The following CHRNB4 variants were observed in gnomAD, a reference collection of about 807,000 sequenced individuals.
The protein encoded by CHRNB4 is neuronal acetylcholine receptor subunit beta-4.
Under a neutral mutation model 40.4 loss-of-function variants are expected in CHRNB4, and 23 were observed. That is an observed-to-expected ratio of 0.57 (90% CI 0.41 to 0.81). CHRNB4 has a LOEUF of 0.81. Among genes scored for constraint, CHRNB4 ranks in the 30% least tolerant of loss-of-function variants. The pLI is 0.00. For missense variants in CHRNB4, 568 were observed against 670.6 expected (o/e 0.85, Z 1.69); for synonymous variants, 285 against 274.4 (o/e 1.04, Z -0.38).
At chr15:78,656,497 A>G (rs1464784676) in exon 4 of CHRNB4, 2 of 152,128 alleles carry the variant, frequency 1.3e-5, no homozygotes, top group Non-Finnish European at 2.9e-5. Flanking sequence ...ATGCCCCATA[A>G]ATTTGTGCAA....
intron 1 of CHRNB4, among the ~76,000 whole-genome samples, chr15:78,636,791 C>T (rs1407252987): frequency 3.9e-5 from 6 of 152,138 alleles, no homozygotes; most frequent in Admixed American, 2.6e-4. Flanking sequence ...GCCAAGATTG[C>T]CCCCAGCCCA....
At chr15:78,648,390 T>G (rs1468964000) in intron 7 of CHRNB4, among the ~76,000 whole-genome samples, 15 of 97,658 alleles carry the variant, frequency 1.5e-4, no homozygotes, top group Middle Eastern at 0.014. Context: ...GAGACTTGCC[T>G]CAAAAAAAAA....
rs769341446 is a variant in CHRNB4 at position 78,624,907 on chromosome 15, G to C, written c.*226C>G. The C allele has an allele frequency of 2.8e-6, 4 of 1,444,474 alleles. No individual in the cohort carries two copies. The South Asian group carries it at 5.5e-5, about 20-fold the overall frequency. 89.5% of individuals were successfully genotyped at this position (1,444,474 alleles called of 1,614,324 possible). ...AAGGAAGACAGGCCAGAATTGAACT[G>C]TCTGAAGCTCCCTCCTACTGGGGCT... On this transcript the variant is annotated 3_prime_UTR_variant, in exon 6 of 6. Coordinates refer to ENST00000261751, the MANE Select transcript of CHRNB4 (RefSeq NM_000750.5).
In CHRNB4 at chr15:78,629,359, C is replaced by G. The variant is rs2053740686; in HGVS notation, c.946G>C (p.Val316Leu). ...GGCGAGCGGTGGTGCACATTGAGCA[C>G]ACAGACGCTGGTGACGATGGAGAAG... Reference protein sequence around the residue: ...VTFSIVTSVCVLNVHHRSPST... With the variant: ...VTFSIVTSVCLLNVHHRSPST... Residue 316 changes from valine (V) to leucine (L), a missense_variant, in exon 5 of 6, where the codon GTG (valine) becomes CTG (leucine). Physicochemically the swap from Val to Leu is conservative, Grantham distance 32. Around this residue, in one of 4 missense-constraint regions of CHRNB4, gnomAD observed 242 missense variants for 274.9 expected, o/e 0.88. Coordinates refer to ENST00000261751, the MANE Select transcript of CHRNB4 (RefSeq NM_000750.5). The surrounding 1 kb of genome is among the most constrained non-coding windows in gnomAD (Gnocchi z 6.8). The G allele has an allele frequency of 1.2e-6, 2 of 1,614,084 alleles. No individual in the cohort carries two copies. Among genetic ancestry groups the G allele is most frequent in the East Asian group, 4.5e-5 (2 of 44,870 alleles).
intron 2 of CHRNB4, among the ~76,000 whole-genome samples, chr15:78,631,999 C>A (rs1174696894): frequency 6.6e-6 from 1 of 152,156 alleles, no homozygotes; most frequent in East Asian, 1.9e-4. Flanking sequence ...TGCTCCTGCA[C>A]ACACTGTTCC....
At chr15:78,661,092 C>G (rs1341426291), upstream of CHRNB4, 4 of 605,694 alleles carry the variant, frequency 6.6e-6, no homozygotes, top group Non-Finnish European at 1.3e-5. Context: ...GCTTGAACTT[C>G]CGGCCCTTGG....
intron 2 of CHRNB4, among the ~76,000 whole-genome samples, chr15:78,633,032 G>A (rs781357335): frequency 1.2e-4 from 18 of 152,096 alleles, no homozygotes; most frequent in South Asian, 2.1e-4. Context: ...CAGGGTCTAC[G>A]GGGCCTTGCC....
chr15:78,653,487 C>T lies in CHRNB4; in HGVS notation c.-109-816G>A, dbSNP rs183841249. 3.3e-3 allele frequency among the ~76,000 whole-genome samples: 502 copies of T among 152,316 alleles called. 1 individual carries two copies. The highest frequency in any genetic ancestry group is 9.6e-3 in the Admixed American group (147 of 15,294). On this transcript the variant is annotated intron_variant and NMD_transcript_variant, in intron 5 of 11. Transcript: ENST00000559849. ...TTGCCTCACCTGGCTCCCCAGCTGT[C>T]CACTGACAGCCAGGCAAAGGCTGGC...
At chr15:78,649,236 C>T (rs1178093678) in intron 7 of CHRNB4, 1 of 270,742 alleles carries the variant, frequency 3.7e-6, no homozygotes. Context: ...CGTCCAATGC[C>T]TAGCCCTTCC....
At chr15:78,650,608 G>A (rs1466792611) in intron 6 of CHRNB4, among the ~76,000 whole-genome samples, 1 of 152,230 alleles carries the variant, frequency 6.6e-6, no homozygotes, top group Non-Finnish European at 1.5e-5. Flanking sequence ...GGCCAAAAGG[G>A]GCATTTATGT....
In CHRNB4 at chr15:78,624,865, C is replaced by T. The variant is rs764143522; in HGVS notation, c.*268G>A. On this transcript the variant is annotated 3_prime_UTR_variant, in exon 6 of 6. Transcript: ENST00000261751. ...GCTGCTACGAAGTCATCTTTATCCCCATTGCCCGGTGCAGGGAAGGAAGAC... is the reference window on the plus strand; with the variant it reads ...GCTGCTACGAAGTCATCTTTATCCCTATTGCCCGGTGCAGGGAAGGAAGAC... 15 of 1,177,862 alleles carry T rather than the reference C, an allele frequency of 1.3e-5. No individual in the cohort carries two copies. Among genetic ancestry groups the T allele is most frequent in the Non-Finnish European group, 1.7e-5 (15 of 865,822 alleles). 73.0% of individuals were successfully genotyped at this position (1,177,862 alleles called of 1,614,324 possible).
intron 4 of CHRNB4, 60 bp downstream of exon 4, chr15:78,631,016 G>A: frequency 7.3e-7 from 1 of 1,368,218 alleles, no homozygotes. Flanking sequence ...ATGACTCTTA[G>A]GGCTGGGCCT....
intron 1 of CHRNB4, among the ~76,000 whole-genome samples, chr15:78,639,462 T>C (rs751108956): frequency 2.7e-4 from 41 of 151,858 alleles, no homozygotes; most frequent in Admixed American, 7.9e-4. Context: ...CCACGCCCGG[T>C]TAATTTTTTG....
upstream of CHRNB4, among the ~76,000 whole-genome samples, chr15:78,642,390 A>G (rs2054087765): frequency 6.6e-6 from 1 of 152,222 alleles, no homozygotes; most frequent in Non-Finnish European, 1.5e-5. Context: ...CAAAACCAGA[A>G]AAGAAATGCA....
upstream of CHRNB4, among the ~76,000 whole-genome samples, chr15:78,642,567 A>C (rs909075871): frequency 2.6e-5 from 4 of 152,100 alleles, no homozygotes; most frequent in Admixed American, 1.3e-4. Flanking sequence ...CCTGCTGCTG[A>C]TCCGTGGTCT....
chr15:78,660,113 A>G (rs1161696882), intron 1 of CHRNB4, among the ~76,000 whole-genome samples: 1 of 152,168 alleles, frequency 6.6e-6, no homozygotes, highest in African/African-American at 2.4e-5. Context: ...AGGCTAAGGC[A>G]GAAAAATTGC....
chr15:78,653,784 T>G (rs2054191716), intron 5 of CHRNB4, among the ~76,000 whole-genome samples: 1 of 152,218 alleles, frequency 6.6e-6, no homozygotes, highest in Non-Finnish European at 1.5e-5. Flanking sequence ...TGAAACTTTG[T>G]TAGATCTGGC....
chr15:78,661,144 G>A (rs115000911), upstream of CHRNB4: 5,986 of 623,182 alleles, frequency 9.6e-3, 208 homozygotes, highest in East Asian at 0.11. Flanking sequence ...CGTTCCTGGG[G>A]CCTTGCCGAA....
chr15:78,633,243 C>T (rs1001616757), intron 2 of CHRNB4, among the ~76,000 whole-genome samples: 17 of 152,178 alleles, frequency 1.1e-4, no homozygotes, highest in African/African-American at 4.1e-4. Context: ...ATAAGATTAT[C>T]AGTAAGATAA....
Sources: gnomAD v4.1 joint callset for allele counts (sites outside exome capture counted in the v4.1 genomes callset) on GRCh38, gnomAD v4.1.1 for gene constraint, gnomAD v4.1.1 regional missense constraint, Gnocchi (gnomAD v3.1) non-coding constraint, MANE v1.5 for transcripts, NCBI Gene and HGNC (gene_info 2026-07-23, HGNC 2026-07-21) for gene names.